Variants in SDC4 observed in about 807,000 individuals in gnomAD.
SDC4 encodes syndecan-4.
In SDC4, 17 loss-of-function variants were observed where a neutral mutation model predicts 20.5. That is an observed-to-expected ratio of 0.83 (90% CI 0.57 to 1.25). SDC4 has a LOEUF of 1.25. Ranked by LOEUF, SDC4 falls within the 50% of genes most tolerant of loss-of-function variation. The pLI is 0.00. For synonymous variants in SDC4, 107 were observed against 105.3 expected, an observed-to-expected ratio of 1.02 and a Z score of -0.10; for missense variants, 241 against 252.3, an observed-to-expected ratio of 0.96 and a Z score of 0.30.
intron 4 of SDC4, among the ~76,000 whole-genome samples, chr20:45,329,769 C>CA (rs1293701219): frequency 1.4e-5 from 2 of 140,782 alleles, no homozygotes; most frequent in Non-Finnish European, 3.1e-5. Context: ...AAGCATTCCT[C>CA]ACCGCACATT....
In SDC4 at chr20:45,326,975, G is replaced by C; in HGVS notation, c.*289C>G. 3.1e-6 allele frequency: 1 copy of C among 326,284 alleles called. No homozygotes were observed. The highest frequency in any genetic ancestry group is 5.8e-6 in the Non-Finnish European group (1 of 172,806). 20.2% of individuals were successfully genotyped at this position (326,284 alleles called of 1,614,324 possible). Reference sequence around the variant, plus strand: ...CATGGTCAGTATGGGCTTGAGGGCGGACCTAGATTCTTAACTGGAAGTTTA... The same window carrying C: ...CATGGTCAGTATGGGCTTGAGGGCGCACCTAGATTCTTAACTGGAAGTTTA... On this transcript the variant is annotated 3_prime_UTR_variant, in exon 5 of 5. Transcript: ENST00000372733.
chr20:45,333,201 AC>A (rs1415421956), intron 2 of SDC4, 132 bp from the exon 3 acceptor site: 1 of 781,594 alleles, frequency 1.3e-6, no homozygotes, highest in East Asian at 2.6e-5. Context: ...GAGCTTCCCC[AC>A]CCCTACTTCA....
chr20:45,334,701 C>G (rs1987834661), intron 2 of SDC4, among the ~76,000 whole-genome samples: 1 of 151,574 alleles, frequency 6.6e-6, no homozygotes, highest in African/African-American at 2.4e-5. Flanking sequence ...GTTGGCCAGG[C>G]TGGTCTCAAA....
At chr20:45,346,219 C>G (rs1400843899) in intron 1 of SDC4, among the ~76,000 whole-genome samples, 1 of 152,180 alleles carries the variant, frequency 6.6e-6, no homozygotes, top group Non-Finnish European at 1.5e-5. Flanking sequence ...CCGAGCCAAC[C>G]GTGACTATGT....
intron 1 of SDC4, among the ~76,000 whole-genome samples, chr20:45,343,677 G>T (rs570218173): frequency 1.3e-5 from 2 of 152,334 alleles, no homozygotes; most frequent in African/African-American, 4.8e-5. Context: ...AGCTGTGGGG[G>T]TAGATAAGGG....
chr20:45,327,228 C>A lies in SDC4; in HGVS notation c.*36G>T. On this transcript the variant is annotated 3_prime_UTR_variant, in exon 5 of 5. Coordinates refer to ENST00000372733, the MANE Select transcript of SDC4 (RefSeq NM_002999.4). Reference sequence around the variant, plus strand: ...CCTTCAAAATCCCCTGGCTTCCCTCCCCGCTAAAGTCCAAGCCAGTGCCCA... The same window carrying A: ...CCTTCAAAATCCCCTGGCTTCCCTCACCGCTAAAGTCCAAGCCAGTGCCCA... 6.2e-7 allele frequency: 1 copy of A among 1,611,556 alleles called. No individual in the cohort carries two copies. The highest frequency in any genetic ancestry group is 2.2e-5 in the East Asian group (1 of 44,788).
At chr20:45,342,765 CT>C (rs1987973040) in intron 1 of SDC4, among the ~76,000 whole-genome samples, 1 of 152,158 alleles carries the variant, frequency 6.6e-6, no homozygotes, top group African/African-American at 2.4e-5. Flanking sequence ...TCAGAGTGAC[CT>C]TTTGGGGAGT....
intron 3 of SDC4, 145 bp downstream of exon 3, chr20:45,332,878 A>C: frequency 1.4e-6 from 1 of 731,074 alleles, no homozygotes; most frequent in Non-Finnish European, 2.3e-6. Context: ...TGCCCACCCC[A>C]GGGCCAGATT....
chr20:45,348,068 C>G (rs1046179643), intron 1 of SDC4, among the ~76,000 whole-genome samples: 1 of 152,234 alleles, frequency 6.6e-6, no homozygotes, highest in Non-Finnish European at 1.5e-5. Context: ...ACTAACGAGC[C>G]CGTAGCCCGC....
intron 1 of SDC4, among the ~76,000 whole-genome samples, chr20:45,336,399 T>G (rs552323893): frequency 6.6e-6 from 1 of 152,216 alleles, no homozygotes; most frequent in African/African-American, 2.4e-5. Flanking sequence ...AGCTACAGAG[T>G]GGGACCCCCG....
At chr20:45,348,243 C>T in intron 1 of SDC4, 82 bp downstream of exon 1, 1 of 1,223,154 alleles carries the variant, frequency 8.2e-7, no homozygotes, top group Non-Finnish European at 1.2e-6. Flanking sequence ...CTGCCCCCCC[C>T]CATCCCACGC....
At chr20:45,347,034 T>C (rs1287067850) in intron 1 of SDC4, among the ~76,000 whole-genome samples, 1 of 152,132 alleles carries the variant, frequency 6.6e-6, no homozygotes, top group Non-Finnish European at 1.5e-5. Context: ...AGTAAGATTG[T>C]TGTTGGAATT....
Position 45,333,668 on chromosome 20 carries a change from C to CA in SDC4, c.200-600dup, listed in dbSNP as rs1211308749. Among the ~76,000 whole-genome samples the CA allele has an allele frequency of 2.0e-5, 3 of 152,000 alleles. No individual in the cohort carries two copies. In the East Asian group the frequency reaches 5.8e-4, roughly 29 times the overall value. On this transcript the variant is annotated intron_variant, in intron 2 of 4. Coordinates refer to ENST00000372733, the MANE Select transcript of SDC4 (RefSeq NM_002999.4). ...TGGGCGACAGAACAAGACTCCGTCT[C>CA]AAAAAAATAAATAAATAAATTCCCT...
At position 45,333,031 on chromosome 20, in the gene SDC4, G is replaced by A. The variant is rs1378000391; in HGVS notation, c.238C>T (p.His80Tyr). 6.2e-7 allele frequency: 1 copy of A among 1,614,128 alleles called. No homozygotes were observed. Among genetic ancestry groups the A allele is most frequent in the Admixed American group, 1.7e-5 (1 of 60,030 alleles). ...AGCATGTAGCTACTTACCAAGGGAT[G>A]GACAACTTCAGGGCCGATCATGGAG... ...EDSMIGPEVV[H>Y]PLVPLDNHIP... Residue 80 changes from histidine to tyrosine, a missense_variant, in exon 3 of 5, where the codon CAT becomes TAT. Transcript: ENST00000372733.
intron 1 of SDC4, among the ~76,000 whole-genome samples, chr20:45,340,084 C>T (rs996497611): frequency 4.4e-4 from 67 of 152,286 alleles, no homozygotes; most frequent in African/African-American, 1.5e-3. Flanking sequence ...CCCTAAGGGT[C>T]TCAGCAAATC....
chr20:45,332,796 G>A (rs1435929584), intron 3 of SDC4, among the ~76,000 whole-genome samples: 1 of 151,994 alleles, frequency 6.6e-6, no homozygotes, highest in Non-Finnish European at 1.5e-5. Context: ...GTTTCATCGT[G>A]TTGCCCAGGC....
Position 45,348,421 on chromosome 20 carries a change from G to A in SDC4, c.-37C>T, listed in dbSNP as rs1421376733. The A allele has an allele frequency of 4.0e-6, 6 of 1,505,592 alleles. No individual in the cohort carries two copies. Among genetic ancestry groups the A allele is most frequent in the Non-Finnish European group, 4.4e-6 (5 of 1,129,492 alleles). 93.3% of individuals were successfully genotyped at this position (1,505,592 alleles called of 1,614,324 possible). ...CTGGAGAAGGCGCGCAGGCTGCGGC[G>A]AGTGGCCCCGGGCGGGCGCGCCACC... On this transcript the variant is annotated 5_prime_UTR_variant, in exon 1 of 5. Coordinates refer to ENST00000372733, the MANE Select transcript of SDC4 (RefSeq NM_002999.4).
intron 2 of SDC4, among the ~76,000 whole-genome samples, chr20:45,333,664 G>A (rs1486049066): frequency 2.0e-5 from 3 of 152,058 alleles, no homozygotes; most frequent in South Asian, 2.1e-4. Flanking sequence ...ACAAGACTCC[G>A]TCTCAAAAAA....
rs1987801259 is a variant in SDC4 at position 45,332,964 on chromosome 20, C to A, written c.246+59G>T. 5 of 1,501,718 alleles carry A rather than the reference C, an allele frequency of 3.3e-6. No individual in the cohort carries two copies. The African/African-American group carries it at 4.1e-5, about 12-fold the overall frequency. The allele number at this position is 1,501,718 out of a possible 1,614,324, so 93.0% of individuals were successfully genotyped here. ...TATGGGGGCTGTATTTTCTGCCTCTCCCAATAGGTCTGCTATAGAGGAGCA... is the reference window on the plus strand; with the variant it reads ...TATGGGGGCTGTATTTTCTGCCTCTACCAATAGGTCTGCTATAGAGGAGCA... On this transcript the variant is annotated intron_variant, in intron 3 of 4. Coordinates refer to ENST00000372733, the MANE Select transcript of SDC4 (RefSeq NM_002999.4).
Sources: gnomAD v4.1 joint callset for allele counts (sites outside exome capture counted in the v4.1 genomes callset) on GRCh38, gnomAD v4.1.1 for gene constraint, MANE v1.5 for transcripts, NCBI Gene and HGNC (gene_info 2026-07-23, HGNC 2026-07-21) for gene names.